The following NXPH2 variants were observed in gnomAD, a reference collection of about 807,000 sequenced individuals.
NXPH2 encodes the protein neurexophilin-2.
Under a neutral mutation model 19.8 loss-of-function variants are expected in NXPH2, and 5 were observed. That is an observed-to-expected ratio of 0.25 (90% confidence interval 0.13 to 0.53). The LOEUF (loss-of-function observed/expected upper bound fraction) is 0.53, where lower values mean the gene tolerates loss of function less well. NXPH2 is among the 20% of genes least tolerant of loss of function. The probability of loss-of-function intolerance (pLI) is 0.96; values close to 1 mark genes in which losing one functional copy is unlikely to be tolerated. For synonymous variants in NXPH2, 154 were observed against 127.4 expected (o/e 1.21, Z -1.41); for missense variants, 289 against 322.8 (o/e 0.90, Z 0.80).
chr2:138,733,728 G>A (rs531292794), intron 1 of NXPH2, among the ~76,000 whole-genome samples: 2 of 152,196 alleles, frequency 1.3e-5, no homozygotes, highest in African/African-American at 4.8e-5. Context: ...ATCAAAGGAG[G>A]CTACTGTACC....
chr2:138,775,428 G>C (rs1254049012), intron 1 of NXPH2, among the ~76,000 whole-genome samples: 1 of 151,874 alleles, frequency 6.6e-6, no homozygotes, highest in Non-Finnish European at 1.5e-5. Context: ...TATTTAGCAG[G>C]ATTTTGAAAT....
intron 1 of NXPH2, among the ~76,000 whole-genome samples, chr2:138,763,876 C>T (rs1397789619): frequency 1.3e-5 from 2 of 152,196 alleles, no homozygotes; most frequent in Non-Finnish European, 2.9e-5. Flanking sequence ...GGCTCTGAAG[C>T]ATAACCTGTC....
rs1680396016 is a variant in NXPH2, at chr2:138,670,423, G to A, written c.*499C>T. ...CTTTTTTTCTCTCATATCAATAACA[G>A]CACAGATGGATGGGGGAAAAGATAG... On this transcript the variant is annotated 3_prime_UTR_variant, in exon 2 of 2. Transcript: ENST00000272641. Among the ~76,000 whole-genome samples, 1 of 151,988 alleles carries A rather than the reference G, an allele frequency of 6.6e-6. No homozygotes were observed. The highest frequency in any genetic ancestry group is 2.4e-5 in the African/African-American group (1 of 41,376).
intron 1 of NXPH2, among the ~76,000 whole-genome samples, chr2:138,703,622 C>A (rs1182629545): frequency 6.6e-6 from 1 of 152,178 alleles, no homozygotes; most frequent in Non-Finnish European, 1.5e-5. Flanking sequence ...TTTACTGTTA[C>A]TTCTTTGTTT....
chr2:138,730,831 T>C (rs1288581939), intron 1 of NXPH2, among the ~76,000 whole-genome samples: 1 of 152,198 alleles, frequency 6.6e-6, no homozygotes, highest in African/African-American at 2.4e-5. Flanking sequence ...CCCATGAGCA[T>C]AACAAATTGG....
chr2:138,743,579 C>T (rs1221637413), intron 1 of NXPH2, among the ~76,000 whole-genome samples: 1 of 151,900 alleles, frequency 6.6e-6, no homozygotes, highest in African/African-American at 2.4e-5. Flanking sequence ...TTTTGGGAGA[C>T]GAAATGTTGT....
Position 138,714,753 on chromosome 2 carries a change from C to G in NXPH2, c.52-43088G>C, listed in dbSNP as rs190600487. ...TACCAAATTATCTAATTTGTTTCAA[C>G]GGATTCATGCAAAAGAACACAAGAG... On this transcript the variant is annotated intron_variant, in intron 1 of 1. Transcript: ENST00000272641. Among the ~76,000 whole-genome samples the G allele has an allele frequency of 5.3e-5, 8 of 152,286 alleles. No individual in the cohort carries two copies. The South Asian group carries it at 1.7e-3, about 32-fold the overall frequency.
chr2:138,725,783 G>A (rs1305072614), intron 1 of NXPH2, among the ~76,000 whole-genome samples: 3 of 152,082 alleles, frequency 2.0e-5, no homozygotes, highest in Non-Finnish European at 4.4e-5. Flanking sequence ...CAGTCTCCCT[G>A]TGCTTATTTT....
intron 1 of NXPH2, among the ~76,000 whole-genome samples, chr2:138,683,793 CA>C (rs1208282585): frequency 1.3e-5 from 2 of 152,164 alleles, no homozygotes; most frequent in Non-Finnish European, 2.9e-5. Flanking sequence ...TTATTGGTTA[CA>C]TTCTTTCACC....
chr2:138,722,673 C>T (rs1558922204), intron 1 of NXPH2, among the ~76,000 whole-genome samples: 1 of 152,196 alleles, frequency 6.6e-6, no homozygotes, highest in East Asian at 1.9e-4. Context: ...CCAGTCCAGG[C>T]TAGTAGGTGG....
intron 1 of NXPH2, among the ~76,000 whole-genome samples, chr2:138,735,172 A>T (rs1420380441): frequency 6.6e-6 from 1 of 152,226 alleles, no homozygotes; most frequent in Non-Finnish European, 1.5e-5. Flanking sequence ...TCAGCCTCCT[A>T]TAATTCCATG....
chr2:138,670,631 T>C lies in NXPH2; in HGVS notation c.*291A>G. The C allele has an allele frequency of 3.7e-6, 1 of 268,730 alleles. No homozygotes were observed. Among genetic ancestry groups the C allele is most frequent in the East Asian group, 6.9e-5 (1 of 14,392 alleles). The allele number at this position is 268,730 out of a possible 1,614,324, so 16.6% of individuals were successfully genotyped here. ...TCCTTCTTGTCACATATTGCTATCA[T>C]TGATGTTTCTTTCAGAGAAACAATA... On this transcript the variant is annotated 3_prime_UTR_variant, in exon 2 of 2. Coordinates refer to ENST00000272641, the MANE Select transcript of NXPH2 (RefSeq NM_007226.3).
chr2:138,770,145 G>T (rs1384633555), intron 1 of NXPH2, among the ~76,000 whole-genome samples: 1 of 151,956 alleles, frequency 6.6e-6, no homozygotes, highest in Non-Finnish European at 1.5e-5. Flanking sequence ...AGGCCCAAAT[G>T]GATTAGAATG....
chr2:138,770,509 C>T (rs1442957473), intron 1 of NXPH2, among the ~76,000 whole-genome samples: 1 of 151,848 alleles, frequency 6.6e-6, no homozygotes, highest in African/African-American at 2.4e-5. Context: ...TAATATGAGA[C>T]ATAATGTTCA....
chr2:138,743,989 T>G (rs1681687275), intron 1 of NXPH2, among the ~76,000 whole-genome samples: 1 of 111,618 alleles, frequency 9.0e-6, no homozygotes, highest in African/African-American at 3.4e-5. Flanking sequence ...AGTGATAGAG[T>G]GAGACTCCAT....
intron 1 of NXPH2, among the ~76,000 whole-genome samples, chr2:138,743,662 G>C (rs939428382): frequency 1.3e-5 from 2 of 152,120 alleles, no homozygotes; most frequent in Admixed American, 6.6e-5. Context: ...CTTTGAAAGA[G>C]TGAATTTTAT....
intron 1 of NXPH2, among the ~76,000 whole-genome samples, chr2:138,711,641 T>C (rs78767445): frequency 1.3e-5 from 2 of 152,124 alleles, no homozygotes; most frequent in Non-Finnish European, 2.9e-5. Flanking sequence ...TCCTACTCAG[T>C]GATTCAAAAG....
chr2:138,757,842 T>TATCTATCTATCC (rs1558930682), intron 1 of NXPH2, among the ~76,000 whole-genome samples: 3 of 136,128 alleles, frequency 2.2e-5, no homozygotes, highest in African/African-American at 7.5e-5. Context: ...TCTATCTATC[T>TATCTATCTATCC]ATCTATCTAT....
intron 1 of NXPH2, among the ~76,000 whole-genome samples, chr2:138,771,158 CT>C (rs1682169050): frequency 6.6e-6 from 1 of 151,762 alleles, no homozygotes; most frequent in Non-Finnish European, 1.5e-5. Context: ...ATACTTACAA[CT>C]ATATTAAAGA....
Sources: gnomAD v4.1 joint callset for allele counts (sites outside exome capture counted in the v4.1 genomes callset) on GRCh38, gnomAD v4.1.1 for gene constraint, MANE v1.5 for transcripts, NCBI Gene and HGNC (gene_info 2026-07-23, HGNC 2026-07-21) for gene names.